Variants in ZNF502 observed in about 807,000 individuals in gnomAD.
ZNF502 encodes the protein zinc finger protein 502.
Under a neutral mutation model 43.6 loss-of-function variants are expected in ZNF502, and 29 were observed. That is an observed-to-expected ratio of 0.67 (90% CI 0.50 to 0.91). ZNF502 has a LOEUF of 0.91. Ranked by LOEUF, ZNF502 falls within the 40% of genes least tolerant of loss-of-function variation. The pLI is 0.00. For synonymous variants in ZNF502, 171 were observed against 207.4 expected (o/e 0.82, Z 1.51); for missense variants, 591 against 647.2 (o/e 0.91, Z 0.94).
intron 1 of ZNF502, among the ~76,000 whole-genome samples, chr3:44,713,021 A>G (rs1308269133): frequency 2.6e-5 from 4 of 152,216 alleles, no homozygotes; most frequent in African/African-American, 7.2e-5. Context: ...TGAGTGATGG[A>G]TAGATGATCA....
chr3:44,716,345 G>A (rs985170008), intron 1 of ZNF502, among the ~76,000 whole-genome samples: 5 of 151,990 alleles, frequency 3.3e-5, no homozygotes, highest in South Asian at 2.1e-4. Flanking sequence ...CTGCCACTGC[G>A]CCCGGCTAAT....
chr3:44,715,752 G>A (rs1704128219), intron 1 of ZNF502, among the ~76,000 whole-genome samples: 2 of 152,050 alleles, frequency 1.3e-5, no homozygotes, highest in Admixed American at 1.3e-4. Flanking sequence ...TGTCACCCAG[G>A]TTGGAATGCA....
At position 44,720,325 on chromosome 3, in the gene ZNF502, G is replaced by A. The variant is rs752461113; in HGVS notation, c.55+9G>A. On this transcript the variant is annotated intron_variant, in intron 2 of 2. Coordinates refer to ENST00000436624, the MANE Select transcript of ZNF502 (RefSeq NM_001134442.3). ...AAGAGAGACTTGTCCAGGTGAGTGA[G>A]CAAGGGACAAGCAGTGGGAGAAATA... The A allele has an allele frequency of 3.1e-6, 5 of 1,613,788 alleles. No individual in the cohort carries two copies. The highest frequency in any genetic ancestry group is 1.7e-4 in the Middle Eastern group (1 of 6,060).
At position 44,721,823 on chromosome 3, in the gene ZNF502, G is replaced by A; in HGVS notation, c.1006G>A (p.Ala336Thr). The A allele has an allele frequency of 6.2e-7, 1 of 1,614,008 alleles. No homozygotes were observed. The highest frequency in any genetic ancestry group is 8.5e-7 in the Non-Finnish European group (1 of 1,179,992). The change falls in exon 3 of 3, where the codon GCA (alanine) becomes ACA (threonine). Residue 336 changes from alanine to threonine, a missense_variant. By Grantham distance (58) the Ala-to-Thr change is moderately conservative. Transcript: ENST00000436624. ...DECGKTFQTKANLSQHQRIHS... is the reference protein window; with the variant it reads ...DECGKTFQTKTNLSQHQRIHS... ...ATGTGGGAAAACTTTCCAAACAAAGGCAAACCTCTCTCAGCATCAGAGAAT... is the reference window on the plus strand; with the variant it reads ...ATGTGGGAAAACTTTCCAAACAAAGACAAACCTCTCTCAGCATCAGAGAAT...
At position 44,723,033 on chromosome 3, in the gene ZNF502, C is replaced by T. The variant is rs1408974627; in HGVS notation, c.*581C>T. 6.9e-6 allele frequency: 1 copy of T among 145,404 alleles called. No individual in the cohort carries two copies. The highest frequency in any genetic ancestry group is 2.5e-5 in the African/African-American group (1 of 39,236). 9.0% of individuals were successfully genotyped at this position (145,404 alleles called of 1,614,324 possible). A position where few individuals can be genotyped will look rare whatever the true frequency, so the allele number is the denominator to read the frequency against. ...TTCATTAAAAAAATGAGATATAAAGCAACAACTGGGCTGACCTCTATAGAT... is the reference window on the plus strand; with the variant it reads ...TTCATTAAAAAAATGAGATATAAAGTAACAACTGGGCTGACCTCTATAGAT... On this transcript the variant is annotated 3_prime_UTR_variant, in exon 3 of 3. Coordinates refer to ENST00000436624, the MANE Select transcript of ZNF502 (RefSeq NM_001134442.3).
rs1353879378 is a variant in ZNF502 at position 44,721,583 on chromosome 3, G to T, written c.766G>T (p.Glu256Ter). 6 of 1,613,404 alleles carry T rather than the reference G, an allele frequency of 3.7e-6. No homozygotes were observed. The highest frequency in any genetic ancestry group is 5.1e-6 in the Non-Finnish European group (6 of 1,179,606). ...CTTCCGCAATCACTCACATCTCACT[G>T]AACACCAGAGAATTCACACTGGAGA... ...NSFRNHSHLT[E>*]HQRIHTGEKP... The change falls in exon 3 of 3, where the codon GAA (glutamate) becomes TAA (stop). Residue 256 changes from glutamate to a stop codon, truncating the protein, a stop_gained. Coordinates refer to ENST00000436624, the MANE Select transcript of ZNF502 (RefSeq NM_001134442.3). LOFTEE classifies it high-confidence loss of function.
chr3:44,713,103 C>T (rs1704062800), intron 1 of ZNF502, among the ~76,000 whole-genome samples: 1 of 152,198 alleles, frequency 6.6e-6, no homozygotes, highest in South Asian at 2.1e-4. Context: ...CCCGGCTGAT[C>T]CTGTAGCTCC....
In ZNF502 at chr3:44,720,220, AC is replaced by A; in HGVS notation, c.-40del. The A allele has an allele frequency of 1.2e-6, 2 of 1,612,330 alleles. No individual in the cohort carries two copies. Among genetic ancestry groups the A allele is most frequent in the East Asian group, 4.5e-5 (2 of 44,864 alleles). ...ATGAGCAGGGTTCCCAGTTTTCCAG[AC>A]CTGAAGTGTTTTCCAATCAAAGCGA... is the stretch of plus-strand genomic sequence containing the variant. On this transcript the variant is annotated 5_prime_UTR_variant, in exon 2 of 3. Transcript: ENST00000436624.
intron 1 of ZNF502, among the ~76,000 whole-genome samples, chr3:44,713,747 A>G (rs955941558): frequency 3.3e-5 from 5 of 151,890 alleles, no homozygotes; most frequent in Admixed American, 3.3e-4. Context: ...CACCTGGCTA[A>G]TTTTGTATTT....
In ZNF502 at chr3:44,722,047, T is replaced by G; in HGVS notation, c.1230T>G (p.Ser410Arg). The change falls in exon 3 of 3, where the codon AGT (serine) becomes AGG (arginine). Residue 410 changes from serine (S) to arginine (R), a missense_variant. Ser to Arg is a moderately radical substitution (Grantham distance 110). Transcript: ENST00000436624. Reference protein sequence around the residue: ...IHTGERPYKCSECGKAFIQSI... With the variant: ...IHTGERPYKCRECGKAFIQSI... Reference sequence around the variant, plus strand: ...CAGGGGAGAGACCCTACAAATGCAGTGAATGTGGTAAAGCCTTCATTCAGA... The same window carrying G: ...CAGGGGAGAGACCCTACAAATGCAGGGAATGTGGTAAAGCCTTCATTCAGA... The G allele has an allele frequency of 6.2e-7, 1 of 1,614,090 alleles. No individual in the cohort carries two copies. The highest frequency in any genetic ancestry group is 8.5e-7 in the Non-Finnish European group (1 of 1,180,006).
At chr3:44,720,822 G>C (rs1704294585) in intron 2 of ZNF502, 51 bp from the exon 3 acceptor site, 2 of 1,537,260 alleles carry the variant, frequency 1.3e-6, no homozygotes, top group South Asian at 2.6e-5. Context: ...AGTTTCAGGG[G>C]CCTTCACTCT....
In ZNF502 at chr3:44,722,470, T is replaced by C. The variant is rs1435769743; in HGVS notation, c.*18T>C. On this transcript the variant is annotated 3_prime_UTR_variant, in exon 3 of 3. Coordinates refer to ENST00000436624, the MANE Select transcript of ZNF502 (RefSeq NM_001134442.3). Reference sequence around the variant, plus strand: ...GTGACTAATGCTGCCATTTAGGTTATGACAGTTTCTCTAGCGAGGATGACT... The same window carrying C: ...GTGACTAATGCTGCCATTTAGGTTACGACAGTTTCTCTAGCGAGGATGACT... 10 of 1,592,286 alleles carry C rather than the reference T, an allele frequency of 6.3e-6. No individual in the cohort carries two copies. Among genetic ancestry groups the C allele is most frequent in the Admixed American group, 1.7e-5 (1 of 58,536 alleles).
Position 44,721,298 on chromosome 3 carries a change from G to T in ZNF502, c.481G>T (p.Gly161Ter). The change falls in exon 3 of 3, where the codon GGA (glycine) becomes TGA (stop). Residue 161 changes from glycine to a stop codon, truncating the protein, a stop_gained. Coordinates refer to ENST00000436624, the MANE Select transcript of ZNF502 (RefSeq NM_001134442.3). LOFTEE classifies it high-confidence loss of function. The stretch of plus-strand genomic sequence containing the variant: ...AAAATCTTGGAAATGTAATGAATGT[G>T]GAAAAACCTTTACTCAGAGCTCATC... ...QKKSWKCNECGKTFTQSSSLT... is the reference protein window; with the variant it reads ...QKKSWKCNEC 1 of 1,614,060 alleles carries T rather than the reference G, an allele frequency of 6.2e-7. No homozygotes were observed. Among genetic ancestry groups the T allele is most frequent in the East Asian group, 2.2e-5 (1 of 44,870 alleles).
Position 44,721,572 on chromosome 3 carries a change from C to T in ZNF502, c.755C>T (p.Ser252Leu). ...TGTGGGAATTCCTTCCGCAATCACTCACATCTCACTGAACACCAGAGAATT... is the reference window on the plus strand; with the variant it reads ...TGTGGGAATTCCTTCCGCAATCACTTACATCTCACTGAACACCAGAGAATT... ...NECGNSFRNH[S>L]HLTEHQRIHT... The change falls in exon 3 of 3, where the codon TCA (serine) becomes TTA (leucine). Residue 252 changes from serine (S) to leucine (L), a missense_variant. Ser to Leu is a moderately radical substitution (Grantham distance 145). Transcript: ENST00000436624. The T allele has an allele frequency of 2.5e-6, 4 of 1,607,610 alleles. No individual in the cohort carries two copies. The highest frequency in any genetic ancestry group is 1.3e-5 in the African/African-American group (1 of 74,952).
Position 44,716,248 on chromosome 3 carries a change from C to T in ZNF502, c.-60+3508C>T, listed in dbSNP as rs553628416. 1.6e-3 allele frequency among the ~76,000 whole-genome samples: 244 copies of T among 148,914 alleles called. 2 individuals are homozygous for T. The highest frequency in any genetic ancestry group is 5.8e-3 in the African/African-American group (234 of 40,316). ...TGTCGCCCAAGCTGGAGTGCAGTGGCGTGATCTCGGCTCACTGTAGCCTCT... is the reference window on the plus strand; with the variant it reads ...TGTCGCCCAAGCTGGAGTGCAGTGGTGTGATCTCGGCTCACTGTAGCCTCT... On this transcript the variant is annotated intron_variant, in intron 1 of 2. Coordinates refer to ENST00000436624, the MANE Select transcript of ZNF502 (RefSeq NM_001134442.3).
At chr3:44,716,369 T>C (rs751704838) in intron 1 of ZNF502, among the ~76,000 whole-genome samples, 10 of 152,050 alleles carry the variant, frequency 6.6e-5, no homozygotes, top group Non-Finnish European at 1.2e-4. Context: ...TTGTATTTTT[T>C]AGTAGAGACG....
At chr3:44,719,799 A>G (rs1191574714) in intron 1 of ZNF502, among the ~76,000 whole-genome samples, 1 of 152,196 alleles carries the variant, frequency 6.6e-6, no homozygotes, top group Non-Finnish European at 1.5e-5. Flanking sequence ...AAGCTTTGCT[A>G]TGAGGACATT....
intron 1 of ZNF502, among the ~76,000 whole-genome samples, chr3:44,713,475 T>C (rs188973867): frequency 2.9e-4 from 44 of 152,332 alleles, no homozygotes; most frequent in Non-Finnish European, 4.6e-4. Flanking sequence ...TTAAACTACA[T>C]TTATTTAGCA....
In ZNF502 at chr3:44,722,409, G is replaced by A. The variant is rs1181693056; in HGVS notation, c.1592G>A (p.Ser531Asn). 2 of 1,613,894 alleles carry A rather than the reference G, an allele frequency of 1.2e-6. No individual in the cohort carries two copies. Among genetic ancestry groups the A allele is most frequent in the Non-Finnish European group, 8.5e-7 (1 of 1,179,944 alleles). The change falls in exon 3 of 3, where the codon AGT becomes AAT. Residue 531 changes from serine to asparagine, a missense_variant. Transcript: ENST00000436624. ...CIECGKFFRH[S>N]SVLFRHQKLH... ...GAGTGTGGAAAGTTCTTCAGACATAGTTCAGTCCTTTTCAGACATCAGAAA... is the reference window on the plus strand; with the variant it reads ...GAGTGTGGAAAGTTCTTCAGACATAATTCAGTCCTTTTCAGACATCAGAAA...
Sources: allele counts gnomAD v4.1 joint callset (sites outside exome capture counted in the v4.1 genomes callset), GRCh38; gene constraint gnomAD v4.1.1; transcripts MANE v1.5; gene names NCBI Gene and HGNC (gene_info 2026-07-23, HGNC 2026-07-21).